CACNA1D: variants seen among roughly 807,000 people sequenced by gnomAD.
CACNA1D encodes the protein calcium voltage-gated channel subunit alpha1 D.
Under a neutral mutation model 257.1 loss-of-function variants are expected in CACNA1D, and 55 were observed. The ratio of observed to expected loss-of-function variants is 0.21; its 90% confidence interval spans 0.17 to 0.27. The LOEUF (loss-of-function observed/expected upper bound fraction) is 0.27, where lower values mean the gene tolerates loss of function less well. Ranked by LOEUF, CACNA1D falls within the 10% of genes least tolerant of loss-of-function variation. CACNA1D has a pLI of 1.00. For missense variants in CACNA1D, 1,876 were observed against 2,784.0 expected, an observed-to-expected ratio of 0.67 and a Z score of 7.34; for synonymous variants, 980 against 1,014.9, an observed-to-expected ratio of 0.97 and a Z score of 0.65.
chr3:53,594,591 G>A (rs1321091241), intron 3 of CACNA1D, among the ~76,000 whole-genome samples: 1 of 152,248 alleles, frequency 6.6e-6, no homozygotes, highest in East Asian at 1.9e-4. Context: ...ACCTGGTAAG[G>A]GTGGTCAGGG....
intron 37 of CACNA1D, among the ~76,000 whole-genome samples, chr3:53,777,470 A>T (rs1051762382): frequency 1.3e-5 from 2 of 152,132 alleles, no homozygotes; most frequent in African/African-American, 4.8e-5. Context: ...AGGCAGGGGG[A>T]TCAACCAGGA....
intron 40 of CACNA1D, among the ~76,000 whole-genome samples, chr3:53,798,967 G>T (rs2095522040): frequency 6.6e-6 from 1 of 152,228 alleles, no homozygotes; most frequent in African/African-American, 2.4e-5. Context: ...AAGAGGTGTT[G>T]TGGAGGAAGG....
chr3:53,778,939 C>A (rs568803159), intron 37 of CACNA1D, among the ~76,000 whole-genome samples: 1 of 152,334 alleles, frequency 6.6e-6, no homozygotes, highest in African/African-American at 2.4e-5. Context: ...GGTTGAGAAC[C>A]TAAGTCCCAG....
At chr3:53,536,568 TGGCAAACACGGCCCCCG>T (rs965435789) in intron 3 of CACNA1D, among the ~76,000 whole-genome samples, 3 of 152,142 alleles carry the variant, frequency 2.0e-5, no homozygotes, top group Admixed American at 1.3e-4. Flanking sequence ...AGAGCAGGAG[TGGCAAACACGGCCCCCG>T]GGCCAACACG....
chr3:53,725,004 CT>C (rs35909723), intron 14 of CACNA1D, among the ~76,000 whole-genome samples: 22 of 145,082 alleles, frequency 1.5e-4, no homozygotes, highest in Admixed American at 2.7e-4. Context: ...AAACTGGTGT[CT>C]TTTTTTTTTT....
At chr3:53,613,651 T>C (rs1421230531) in intron 3 of CACNA1D, among the ~76,000 whole-genome samples, 1 of 152,158 alleles carries the variant, frequency 6.6e-6, no homozygotes, top group South Asian at 2.1e-4. Flanking sequence ...TTGAGGTCAC[T>C]GTGAATTTCC....
At chr3:53,684,621 CAAAAAAAAAAAA>C (rs60026644) in intron 8 of CACNA1D, among the ~76,000 whole-genome samples, 17 of 84,506 alleles carry the variant, frequency 2.0e-4, no homozygotes, top group Admixed American at 5.8e-4. Context: ...GAAACTCTGT[CAAAAAAAAAAAA>C]AAAAAAAAAA....
chr3:53,666,198 T>G (rs950361232), intron 6 of CACNA1D, 141 bp from the exon 7 acceptor site: 11 of 817,098 alleles, frequency 1.3e-5, no homozygotes, highest in Non-Finnish European at 2.2e-5. Context: ...AAGGGAACCT[T>G]GAAGGACAAG....
At chr3:53,665,479 C>T (rs1374096329) in intron 5 of CACNA1D, among the ~76,000 whole-genome samples, 181 bp from the exon 6 acceptor site, 1 of 152,128 alleles carries the variant, frequency 6.6e-6, no homozygotes. Flanking sequence ...CTAGATGATC[C>T]TTAAGGTTCC....
intron 43 of CACNA1D, among the ~76,000 whole-genome samples, chr3:53,802,520 A>G (rs895017488): frequency 2.0e-5 from 3 of 152,222 alleles, no homozygotes; most frequent in Non-Finnish European, 2.9e-5. Context: ...CTCTGGGGTC[A>G]AGCTTCTTGT....
chr3:53,510,675 C>T (rs1039790380), intron 3 of CACNA1D, among the ~76,000 whole-genome samples: 15 of 152,190 alleles, frequency 9.9e-5, no homozygotes, highest in African/African-American at 3.4e-4. Context: ...TTACCTCACA[C>T]CACATCTCAC....
chr3:53,555,782 A>T (rs1253718711), intron 3 of CACNA1D, among the ~76,000 whole-genome samples: 1 of 152,050 alleles, frequency 6.6e-6, no homozygotes, highest in African/African-American at 2.4e-5. Flanking sequence ...TGCCTTTAGA[A>T]ATTCTTTTTT....
chr3:53,593,453 C>G (rs1576009907), intron 3 of CACNA1D, among the ~76,000 whole-genome samples: 1 of 152,192 alleles, frequency 6.6e-6, no homozygotes, highest in Non-Finnish European at 1.5e-5. Context: ...CTCCTACTTT[C>G]TCTCCTCAGA....
intron 3 of CACNA1D, among the ~76,000 whole-genome samples, chr3:53,572,040 T>G (rs1301395811): frequency 6.6e-6 from 1 of 152,222 alleles, no homozygotes; most frequent in African/African-American, 2.4e-5. Flanking sequence ...TTGTTTGAGG[T>G]TACCAAACTC....
At chr3:53,761,912 A>G in intron 29 of CACNA1D, 86 bp from the exon 30 acceptor site, 1 of 929,622 alleles carries the variant, frequency 1.1e-6, no homozygotes, top group Non-Finnish European at 1.8e-6. Flanking sequence ...TGGGTGCGGC[A>G]GGGACTCGGA....
chr3:53,752,939 A>C (rs2095238802), intron 28 of CACNA1D, among the ~76,000 whole-genome samples: 1 of 152,220 alleles, frequency 6.6e-6, no homozygotes, highest in South Asian at 2.1e-4. Context: ...ATGTTTTCAA[A>C]AGTTACATTG....
intron 3 of CACNA1D, among the ~76,000 whole-genome samples, chr3:53,590,592 G>C (rs1259796646): frequency 6.6e-6 from 1 of 152,194 alleles, no homozygotes; most frequent in Non-Finnish European, 1.5e-5. Context: ...CCTAGTTTTT[G>C]GTTCACAAAA....
At chr3:53,687,155 T>C (rs2094480221) in intron 8 of CACNA1D, among the ~76,000 whole-genome samples, 1 of 152,094 alleles carries the variant, frequency 6.6e-6, no homozygotes. Context: ...AATGAAGATA[T>C]ACCATGCCCA....
chr3:53,571,260 T>C lies in CACNA1D; in HGVS notation c.483+69540T>C, dbSNP rs941451942. On this transcript the variant is annotated intron_variant, in intron 3 of 47. Transcript: ENST00000350061. ...CAAGCTTTGGCTGTGGATTTCTCTC[T>C]GGTGATGTGATTTGATTTGATGGAT... 2.0e-5 allele frequency among the ~76,000 whole-genome samples: 3 copies of C among 152,170 alleles called. No homozygotes were observed. The South Asian group carries it at 6.2e-4, about 32-fold the overall frequency.
Sources: allele counts gnomAD v4.1 joint callset (sites outside exome capture counted in the v4.1 genomes callset), GRCh38; gene constraint gnomAD v4.1.1; transcripts MANE v1.5; gene names NCBI Gene and HGNC (gene_info 2026-07-23, HGNC 2026-07-21).